The following MALAT1 variants were observed in gnomAD, a reference collection of about 807,000 sequenced individuals.
MALAT1 encodes metastasis associated lung adenocarcinoma transcript 1, also known as hepcarcin.
chr11:65,503,352 A>G (rs1364679762), exon 3 of MALAT1: 1 of 518,906 alleles, frequency 1.9e-6, no homozygotes, highest in East Asian at 5.4e-5. Context: ...TTAAAATTGT[A>G]GGACTTGTTC....
chr11:65,498,859 C>T (rs569753255), intron 2 of MALAT1: 3 of 518,534 alleles, frequency 5.8e-6, no homozygotes, highest in Admixed American at 3.9e-5. Context: ...TTAAGTATTT[C>T]TGCATGTGTA....
At chr11:65,501,008 G>A (rs79910129) in exon 3 of MALAT1, 4,572 of 448,808 alleles carry the variant, frequency 0.01, 165 homozygotes, top group African/African-American at 0.084. Context: ...AAGTTTGTGG[G>A]TTTTTTTTTT....
At position 65,502,400 on chromosome 11, in the gene MALAT1, T is replaced by C. The variant is rs1321789373; in HGVS notation, n.3663T>C. 11 of 507,168 alleles carry C rather than the reference T, an allele frequency of 2.2e-5. No individual in the cohort carries two copies. In the Admixed American group the frequency reaches 2.2e-4, roughly 10 times the overall value. 31.4% of individuals were successfully genotyped at this position (507,168 alleles called of 1,614,324 possible). A position where few individuals can be genotyped will look rare whatever the true frequency, so the allele number is the denominator to read the frequency against. On this transcript the variant is annotated non_coding_transcript_exon_variant, in exon 3 of 4. Coordinates refer to ENST00000619449, the Ensembl canonical transcript of MALAT1. Reference sequence around the variant, plus strand: ...GTAGCTTTTGTATTATCAAGTAAGATTCTATTTTCAGTTGTGTGTAAGCAA... The same window carrying C: ...GTAGCTTTTGTATTATCAAGTAAGACTCTATTTTCAGTTGTGTGTAAGCAA...
At chr11:65,499,414 T>A in exon 3 of MALAT1, 1 of 483,404 alleles carries the variant, frequency 2.1e-6, no homozygotes, top group Non-Finnish European at 4.1e-6. Flanking sequence ...GCTTTTAGAT[T>A]AAAATGAAGG....
At chr11:65,501,458 C>G (rs780846255) in exon 3 of MALAT1, 3 of 512,312 alleles carry the variant, frequency 5.9e-6, no homozygotes, top group Non-Finnish European at 1.2e-5. Context: ...TTTTTTCCCC[C>G]CACCCCCTTA....
chr11:65,497,850 C>G (rs932265174), exon 1 of MALAT1: 2 of 516,668 alleles, frequency 3.9e-6, no homozygotes, highest in Non-Finnish European at 7.7e-6. Flanking sequence ...GCCGGGAAGC[C>G]TCAGCTCGCC....
At chr11:65,499,048 C>T (rs111409127) in exon 3 of MALAT1, 60 of 518,098 alleles carry the variant, frequency 1.2e-4, no homozygotes, top group African/African-American at 1.1e-3. Context: ...GTGCGGTAGG[C>T]ATTGAGGCAG....
At chr11:65,501,224 AT>A (rs143530985) in exon 3 of MALAT1, 92 of 228,156 alleles carry the variant, frequency 4.0e-4, no homozygotes, top group Admixed American at 5.7e-4. Context: ...AGTTTTCAGT[AT>A]TTTTTTTTGT....
chr11:65,503,536 A>T (rs552068698), exon 3 of MALAT1: 14 of 518,580 alleles, frequency 2.7e-5, no homozygotes, highest in South Asian at 1.8e-4. Flanking sequence ...TGTTAGAATC[A>T]GATGTTACTG....
At chr11:65,500,550 T>A (rs1383404106) in exon 3 of MALAT1, 1 of 518,680 alleles carries the variant, frequency 1.9e-6, no homozygotes, top group East Asian at 5.4e-5. Flanking sequence ...CCAGTGCGAT[T>A]TGGTGAAGGA....
intron 1 of MALAT1, chr11:65,498,265 T>A (rs748394498): frequency 3.9e-6 from 2 of 518,764 alleles, no homozygotes; most frequent in Admixed American, 1.9e-5. Context: ...CCATGGCGAT[T>A]TGCCTTGTGA....
intron 1 of MALAT1, chr11:65,498,146 T>TA (rs1408497981): frequency 1.9e-6 from 1 of 518,820 alleles, no homozygotes; most frequent in African/African-American, 1.9e-5. Flanking sequence ...CAGAGCAGTG[T>TA]AAACACTTCT....
exon 3 of MALAT1, chr11:65,503,632 A>G (rs1472329741): frequency 3.9e-6 from 2 of 511,580 alleles, no homozygotes; most frequent in Non-Finnish European, 7.8e-6. Context: ...GAGAATGTAT[A>G]CTTTTAGAAA....
At chr11:65,503,942 A>C (rs1176389884) in intron 3 of MALAT1, 3 of 515,634 alleles carry the variant, frequency 5.8e-6, no homozygotes, top group Non-Finnish European at 1.2e-5. Flanking sequence ...GTAATTACAC[A>C]TTTTATTTCC....
chr11:65,504,920 A>G, intron 3 of MALAT1: 2 of 518,920 alleles, frequency 3.9e-6, no homozygotes, highest in South Asian at 2.8e-5. Flanking sequence ...TCCATTTTAA[A>G]TGTGGGGATT....
At chr11:65,498,188 CT>C (rs1487316819) in intron 1 of MALAT1, 2 of 518,842 alleles carry the variant, frequency 3.9e-6, no homozygotes, top group Non-Finnish European at 7.7e-6. Flanking sequence ...CCCAAGGTCT[CT>C]GTGTCTTCGG....
At chr11:65,505,228 C>T (rs1854654560) in intron 3 of MALAT1, 3 of 518,250 alleles carry the variant, frequency 5.8e-6, no homozygotes, top group South Asian at 4.2e-5. Flanking sequence ...AGTAGGACAA[C>T]CATGGAGCCT....
At chr11:65,498,695 C>T (rs767629841) in exon 2 of MALAT1, 40 of 518,238 alleles carry the variant, frequency 7.7e-5, no homozygotes, top group South Asian at 3.4e-4. Context: ...GTAAACTATA[C>T]CTACTGTCCC....
exon 3 of MALAT1, chr11:65,499,370 C>G: frequency 2.0e-6 from 1 of 492,146 alleles, no homozygotes; most frequent in Non-Finnish European, 4.1e-6. Context: ...GAAAGGACTA[C>G]AGAGCCCCGA....
Sources: allele counts gnomAD v4.1 joint callset, GRCh38; gene constraint gnomAD v4.1.1; transcripts MANE v1.5; gene names NCBI Gene and HGNC (gene_info 2026-07-23, HGNC 2026-07-21).